PDE10A: variants seen among roughly 807,000 people sequenced by gnomAD.
The protein encoded by PDE10A is cAMP and cAMP-inhibited cGMP 3',5'-cyclic phosphodiesterase 10A.
PDE10A carries 39 observed loss-of-function variants against 97.7 expected under a neutral mutation model. The ratio of observed to expected loss-of-function variants is 0.40; its 90% confidence interval spans 0.31 to 0.52. PDE10A has a LOEUF of 0.52. PDE10A is among the 20% of genes least tolerant of loss of function. PDE10A has a pLI of 0.56. For missense variants in PDE10A, 731 were observed against 1,047.8 expected, an observed-to-expected ratio of 0.70 and a Z score of 4.17; for synonymous variants, 371 against 376.8, an observed-to-expected ratio of 0.98 and a Z score of 0.18.
chr6:165,407,687 A>C (rs1431054756), intron 13 of PDE10A, among the ~76,000 whole-genome samples: 1 of 152,226 alleles, frequency 6.6e-6, no homozygotes, highest in African/African-American at 2.4e-5. Context: ...TTTCATGTTA[A>C]ATGTCTTTCT....
intron 1 of PDE10A, among the ~76,000 whole-genome samples, chr6:165,905,945 T>C (rs1562791817): frequency 6.6e-6 from 1 of 151,024 alleles, no homozygotes; most frequent in Non-Finnish European, 1.5e-5. Flanking sequence ...ACAATTTTTT[T>C]CCTTCTTTCT....
At chr6:165,691,056 A>G (rs991420337) in intron 1 of PDE10A, among the ~76,000 whole-genome samples, 6 of 131,178 alleles carry the variant, frequency 4.6e-5, no homozygotes, top group Admixed American at 1.6e-4. Context: ...AATTCCTTAC[A>G]GTAATACTCT....
chr6:165,381,447 G>C (rs1562402790), intron 17 of PDE10A, among the ~76,000 whole-genome samples: 2 of 152,074 alleles, frequency 1.3e-5, no homozygotes, highest in East Asian at 3.9e-4. Context: ...AGAGTAAAGG[G>C]AATGAATGAA....
rs9457072 is a variant in PDE10A at position 165,332,542 on chromosome 6, A to G, written c.*483T>C. 0.076 allele frequency: 11,685 copies of G among 152,892 alleles called. 523 individuals are homozygous for G. Among genetic ancestry groups the G allele is most frequent in the Middle Eastern group, 0.2 (59 of 294 alleles). 9.5% of individuals were successfully genotyped at this position (152,892 alleles called of 1,614,324 possible). The stretch of plus-strand genomic sequence containing the variant: ...AACTCAAGTTAATTACAAGTAGGTC[A>G]TACATGAACATTCACCATTCACAAT... On this transcript the variant is annotated 3_prime_UTR_variant, in exon 22 of 22. Transcript: ENST00000539869.
intron 1 of PDE10A, among the ~76,000 whole-genome samples, chr6:165,786,785 A>G (rs186361846): frequency 5.6e-4 from 86 of 152,308 alleles, no homozygotes; most frequent in African/African-American, 2.0e-3. Flanking sequence ...TCAACTTGTG[A>G]GTCATAAAAA....
intron 1 of PDE10A, among the ~76,000 whole-genome samples, chr6:165,748,331 A>T (rs1016448665): frequency 6.6e-6 from 1 of 152,242 alleles, no homozygotes; most frequent in African/African-American, 2.4e-5. Context: ...ACCTGTAGAA[A>T]GTATGAAGTG....
At chr6:165,596,606 T>A (rs1457248833) in intron 1 of PDE10A, among the ~76,000 whole-genome samples, 1 of 152,154 alleles carries the variant, frequency 6.6e-6, no homozygotes, top group Non-Finnish European at 1.5e-5. Context: ...GGCACACACC[T>A]GTAGTCCCAA....
In PDE10A at chr6:165,384,918, C is replaced by T. The variant is rs75044793; in HGVS notation, c.2610+3380G>A. On this transcript the variant is annotated intron_variant, in intron 17 of 21. Coordinates refer to ENST00000539869, the MANE Select transcript of PDE10A (RefSeq NM_001385079.1). ...CAACCATCATACACAAAATTGCTTACGTCCTATCTGTCTGTGTGGCCAGAG... is the reference window on the plus strand; with the variant it reads ...CAACCATCATACACAAAATTGCTTATGTCCTATCTGTCTGTGTGGCCAGAG... Among the ~76,000 whole-genome samples, 1,113 of 152,216 alleles carry T rather than the reference C, an allele frequency of 7.3e-3. 14 individuals carry two copies. Among genetic ancestry groups the T allele is most frequent in the African/African-American group, 0.025 (1,025 of 41,534 alleles).
At chr6:165,941,981 C>T (rs1308968099) in intron 1 of PDE10A, among the ~76,000 whole-genome samples, 2 of 152,168 alleles carry the variant, frequency 1.3e-5, no homozygotes, top group Non-Finnish European at 2.9e-5. Context: ...ACTAGGGATG[C>T]ACCTGGCTTC....
intron 13 of PDE10A, chr6:165,409,765 T>C (rs1470136742): frequency 6.6e-6 from 1 of 152,118 alleles, no homozygotes; most frequent in East Asian, 1.9e-4. Flanking sequence ...GTTTGAAGTG[T>C]TTAGAAAAAT....
At chr6:165,438,380 A>T (rs1790190046) in intron 5 of PDE10A, among the ~76,000 whole-genome samples, 1 of 151,478 alleles carries the variant, frequency 6.6e-6, no homozygotes, top group African/African-American at 2.4e-5. Context: ...TAGAGATGGG[A>T]TTTCTCCATG....
At chr6:165,783,636 G>A (rs1286999934) in intron 1 of PDE10A, among the ~76,000 whole-genome samples, 1 of 152,156 alleles carries the variant, frequency 6.6e-6, no homozygotes, top group East Asian at 1.9e-4. Flanking sequence ...CATCAGTTTA[G>A]AGAAATCTCA....
intron 1 of PDE10A, among the ~76,000 whole-genome samples, chr6:165,893,796 G>A (rs1781865902): frequency 6.6e-6 from 1 of 151,826 alleles, no homozygotes; most frequent in African/African-American, 2.4e-5. Context: ...AACTTAAGTA[G>A]GGTTTGAATC....
chr6:165,416,035 C>A (rs957053416), intron 12 of PDE10A, among the ~76,000 whole-genome samples, 154 bp downstream of exon 12: 25 of 152,164 alleles, frequency 1.6e-4, no homozygotes, highest in African/African-American at 5.8e-4. Context: ...TCTGAATATA[C>A]TGACTATTGA....
chr6:165,563,607 C>T (rs1356886027), intron 1 of PDE10A, among the ~76,000 whole-genome samples: 2 of 152,020 alleles, frequency 1.3e-5, no homozygotes, highest in East Asian at 3.9e-4. Context: ...ATGGTAGATA[C>T]AGCTGGGTGC....
At chr6:165,599,802 G>GCCTCCACGGCCT (rs1316860239) in intron 1 of PDE10A, among the ~76,000 whole-genome samples, 2 of 152,150 alleles carry the variant, frequency 1.3e-5, no homozygotes, top group Non-Finnish European at 2.9e-5. Flanking sequence ...TGGTGAGCGG[G>GCCTCCACGGCCT]CCTCCACGGC....
chr6:165,343,727 A>G (rs1259758635), intron 18 of PDE10A, among the ~76,000 whole-genome samples: 1 of 152,198 alleles, frequency 6.6e-6, no homozygotes, highest in Admixed American at 6.5e-5. Flanking sequence ...AGTGCATCAT[A>G]TGTTCCTGTT....
chr6:165,633,435 A>G (rs1788726815), intron 1 of PDE10A, among the ~76,000 whole-genome samples: 1 of 152,202 alleles, frequency 6.6e-6, no homozygotes, highest in Non-Finnish European at 1.5e-5. Flanking sequence ...CTTTATAGCT[A>G]CAGAAATTAC....
intron 1 of PDE10A, among the ~76,000 whole-genome samples, chr6:165,980,073 A>C (rs573215084): frequency 1.4e-4 from 21 of 152,218 alleles, no homozygotes; most frequent in Non-Finnish European, 2.4e-4. Context: ...GAGAAGAAAA[A>C]AAGTTGTCTT....
Sources: gnomAD v4.1 joint callset for allele counts (sites outside exome capture counted in the v4.1 genomes callset) on GRCh38, gnomAD v4.1.1 for gene constraint, MANE v1.5 for transcripts, NCBI Gene and HGNC (gene_info 2026-07-23, HGNC 2026-07-21) for gene names.